Variants in PIK3C2G observed in about 807,000 individuals in gnomAD.
The protein encoded by PIK3C2G is phosphatidylinositol-4-phosphate 3-kinase catalytic subunit type 2 gamma, also known as phosphatidylinositol 3-kinase C2 domain-containing subunit gamma.
In PIK3C2G, 168 loss-of-function variants were observed where a neutral mutation model predicts 181.1. That is an observed-to-expected ratio of 0.93 (90% CI 0.82 to 1.05). The LOEUF is 1.05. Among genes scored for constraint, PIK3C2G ranks in the 50% least tolerant of loss-of-function variants. The pLI is 0.00. For missense variants in PIK3C2G, 1,869 were observed against 1,732.8 expected, an observed-to-expected ratio of 1.08 and a Z score of -1.40; for synonymous variants, 573 against 592.2, an observed-to-expected ratio of 0.97 and a Z score of 0.47.
rs79463709 is a variant in PIK3C2G at position 18,536,496 on chromosome 12, G to A, written c.3324-1660G>A. 6.0e-3 allele frequency among the ~76,000 whole-genome samples: 919 copies of A among 152,202 alleles called. 2 individuals are homozygous for A. The highest frequency in any genetic ancestry group is 0.01 in the Middle Eastern group (3 of 294). On this transcript the variant is annotated intron_variant, in intron 24 of 32. Coordinates refer to ENST00000538779, the MANE Select transcript of PIK3C2G (RefSeq NM_001288772.2). The stretch of plus-strand genomic sequence containing the variant: ...TACTATAGTTAAGTGGTGAAGCCAT[G>A]ATTTGAAACCTGGTTCACAGGCCCA...
Position 18,325,041 on chromosome 12 carries a change from T to C in PIK3C2G, c.1215T>C (p.Cys405=), listed in dbSNP as rs1951275136. ...FMHIWKVSRQ[C]LLTLIRKYDF... ...TCTATTTTTTATTTTCCAGACAATG[T>C]CTCTTAACACTCATCAGAAAATATG... The change falls in exon 8 of 33, where the codon TGT becomes TGC. Residue 405 remains cysteine (C), a synonymous_variant. Coordinates refer to ENST00000538779, the MANE Select transcript of PIK3C2G (RefSeq NM_001288772.2). 6.5e-7 allele frequency: 1 copy of C among 1,533,458 alleles called. No homozygotes were observed. Among genetic ancestry groups the C allele is most frequent in the Non-Finnish European group, 8.9e-7 (1 of 1,120,526 alleles). 95.0% of individuals were successfully genotyped at this position (1,533,458 alleles called of 1,614,324 possible). A position where few individuals can be genotyped will look rare whatever the true frequency, so the allele number is the denominator to read the frequency against.
At chr12:18,517,295 G>A (rs879778523) in intron 24 of PIK3C2G, among the ~76,000 whole-genome samples, 1 of 151,988 alleles carries the variant, frequency 6.6e-6, no homozygotes, top group Non-Finnish European at 1.5e-5. Flanking sequence ...TCTGGGGAAC[G>A]CTTACAAAGA....
chr12:18,680,280 T>C, the PIK3C2G span, among the ~76,000 whole-genome samples: 3 of 151,988 alleles, frequency 2.0e-5, no homozygotes, highest in Non-Finnish European at 4.4e-5. Context: ...CTAGTGTGAC[T>C]CCCAAATTTC....
At chr12:18,499,035 T>C (rs996556249) in intron 22 of PIK3C2G, among the ~76,000 whole-genome samples, 1 of 152,230 alleles carries the variant, frequency 6.6e-6, no homozygotes, top group Non-Finnish European at 1.5e-5. Flanking sequence ...AGATATTGAA[T>C]AAATTACTGA....
chr12:18,294,464 T>TA (rs1365659170), intron 5 of PIK3C2G, among the ~76,000 whole-genome samples: 1 of 152,058 alleles, frequency 6.6e-6, no homozygotes, highest in Non-Finnish European at 1.5e-5. Context: ...GATTTTTTTT[T>TA]AAATCACAGG....
Position 18,323,459 on chromosome 12 carries a change from C to G in PIK3C2G, c.1209-1576C>G, listed in dbSNP as rs569245977. On this transcript the variant is annotated intron_variant, in intron 7 of 32. Coordinates refer to ENST00000538779, the MANE Select transcript of PIK3C2G (RefSeq NM_001288772.2). ...TAAAACCAAGTATCTAACTCTGAAT[C>G]AGTGCTTATTCCACTTCCATTATGT... Among the ~76,000 whole-genome samples the G allele has an allele frequency of 5.3e-4, 80 of 152,320 alleles. 1 individual carries two copies. In the South Asian group the frequency reaches 0.016, roughly 31 times the overall value.
chr12:18,368,793 T>A (rs185508289), intron 12 of PIK3C2G, among the ~76,000 whole-genome samples: 13 of 152,300 alleles, frequency 8.5e-5, no homozygotes, highest in Admixed American at 5.2e-4. Context: ...GAGAGACAGA[T>A]GTACTTCCTC....
chr12:18,358,001 G>A (rs1478087555), intron 11 of PIK3C2G, among the ~76,000 whole-genome samples: 1 of 152,068 alleles, frequency 6.6e-6, no homozygotes. Flanking sequence ...TCACCCACTG[G>A]TGAACATTTA....
At chr12:18,542,283 A>G (rs1190351435) in intron 25 of PIK3C2G, among the ~76,000 whole-genome samples, 1 of 151,862 alleles carries the variant, frequency 6.6e-6, no homozygotes, top group Admixed American at 6.6e-5. Context: ...CCTAATCTAG[A>G]TTCTAGTGGC....
chr12:18,556,749 G>A (rs1300230836), intron 26 of PIK3C2G, among the ~76,000 whole-genome samples: 1 of 152,050 alleles, frequency 6.6e-6, no homozygotes, highest in Non-Finnish European at 1.5e-5. Flanking sequence ...ATAATGTTTT[G>A]TACTGCACTG....
rs545814181 is a variant in PIK3C2G at position 18,561,426 on chromosome 12, C to T, written c.3591-1277C>T. ...CCTAGGATTCAGAGGCTGTAGTGAG[C>T]TACTATCTCACCACTGTATTCCAGC... On this transcript the variant is annotated intron_variant, in intron 26 of 32. Transcript: ENST00000538779. Among the ~76,000 whole-genome samples the T allele has an allele frequency of 2.6e-4, 39 of 152,238 alleles. 1 individual carries two copies. The South Asian group carries it at 3.9e-3, about 15-fold the overall frequency.
intron 2 of PIK3C2G, among the ~76,000 whole-genome samples, chr12:18,284,161 G>T (rs545046631): frequency 6.6e-6 from 1 of 152,284 alleles, no homozygotes; most frequent in Non-Finnish European, 1.5e-5. Flanking sequence ...TCAGCGTTTG[G>T]CTGAGAATTG....
the PIK3C2G span, among the ~76,000 whole-genome samples, chr12:18,725,300 A>T: frequency 6.6e-6 from 1 of 152,134 alleles, no homozygotes. Context: ...GGAGAAGAAA[A>T]GCAATAAGAA....
the PIK3C2G span, among the ~76,000 whole-genome samples, chr12:18,710,677 C>G: frequency 6.6e-6 from 1 of 152,018 alleles, no homozygotes; most frequent in South Asian, 2.1e-4. Context: ...TTGACTACGA[C>G]AGTGACAGTA....
At position 18,436,567 on chromosome 12, in the gene PIK3C2G, T is replaced by C. The variant is rs79156348; in HGVS notation, c.2504+12528T>C. 3.4e-3 allele frequency among the ~76,000 whole-genome samples: 514 copies of C among 152,088 alleles called. 17 individuals carry two copies. The highest frequency in any genetic ancestry group is 0.027 in the Admixed American group (417 of 15,248). On this transcript the variant is annotated intron_variant, in intron 18 of 32. Transcript: ENST00000538779. ...AACCATCTATCCTTAACATAGAACA[T>C]TGCACACAGTATACAATTCATTCAA...
chr12:18,571,832 T>C (rs1345328273), intron 29 of PIK3C2G, among the ~76,000 whole-genome samples: 1 of 150,926 alleles, frequency 6.6e-6, no homozygotes, highest in Admixed American at 6.6e-5. Context: ...TACTGCTTAA[T>C]TATTTACACT....
At chr12:18,712,750 A>G in the PIK3C2G span, 4 of 1,450,168 alleles carry the variant, frequency 2.8e-6, no homozygotes, top group South Asian at 4.6e-5. Context: ...AATATCATCT[A>G]AAGTAAGGCT....
At chr12:18,539,424 T>C (rs1167964510) in intron 25 of PIK3C2G, among the ~76,000 whole-genome samples, 2 of 151,904 alleles carry the variant, frequency 1.3e-5, no homozygotes, top group Non-Finnish European at 2.9e-5. Flanking sequence ...TTTAGTAGAC[T>C]TCAATTCATT....
At chr12:18,286,357 T>C (rs1438002512) in intron 2 of PIK3C2G, among the ~76,000 whole-genome samples, 1 of 152,026 alleles carries the variant, frequency 6.6e-6, no homozygotes, top group Admixed American at 6.5e-5. Flanking sequence ...GGTTCATTAA[T>C]AGGAAGATGA....
Sources: gnomAD v4.1 joint callset for allele counts (sites outside exome capture counted in the v4.1 genomes callset) on GRCh38, gnomAD v4.1.1 for gene constraint, MANE v1.5 for transcripts, NCBI Gene and HGNC (gene_info 2026-07-23, HGNC 2026-07-21) for gene names.